The following SLC37A2 variants were observed in gnomAD, a reference collection of about 807,000 sequenced individuals.
SLC37A2 encodes solute carrier family 37 member 2.
SLC37A2 carries 59 observed loss-of-function variants against 70.7 expected under a neutral mutation model. That is an observed-to-expected ratio of 0.83 (90% CI 0.68 to 1.04). The LOEUF (loss-of-function observed/expected upper bound fraction) is 1.04. SLC37A2 is among the 50% of genes least tolerant of loss of function. The pLI is 0.00. For missense variants in SLC37A2, 580 were observed against 658.1 expected, an observed-to-expected ratio of 0.88 and a Z score of 1.30; for synonymous variants, 257 against 262.1, an observed-to-expected ratio of 0.98 and a Z score of 0.19.
intron 7 of SLC37A2, 101 bp from the exon 8 acceptor site, chr11:125,081,320 G>C (rs111438604): frequency 3.3e-6 from 4 of 1,226,848 alleles, no homozygotes; most frequent in African/African-American, 1.5e-5. Context: ...GCTGGTTCCC[G>C]GGATGGCTTA....
At chr11:125,084,409 A>C (rs1223874072) in intron 12 of SLC37A2, 90 bp downstream of exon 12, 2 of 1,304,106 alleles carry the variant, frequency 1.5e-6, no homozygotes, top group Admixed American at 3.5e-5. Context: ...CGCGTTACAC[A>C]CATTGATGTC....
At chr11:125,070,950 G>A (rs1219264183) in intron 1 of SLC37A2, among the ~76,000 whole-genome samples, 1 of 152,224 alleles carries the variant, frequency 6.6e-6, no homozygotes, top group Non-Finnish European at 1.5e-5. Context: ...GCAAGGTTTC[G>A]AAATAGTCTG....
intron 17 of SLC37A2, chr11:125,086,718 G>A (rs1264221787): frequency 8.2e-6 from 2 of 242,534 alleles, no homozygotes; most frequent in Non-Finnish European, 1.6e-5. Context: ...GGTGGTGGAT[G>A]TGGTGGTGGC....
rs368572395 is a variant in SLC37A2 at position 125,080,826 on chromosome 11, G to C, written c.694+46G>C. The C allele has an allele frequency of 1.0e-4, 139 of 1,342,464 alleles. No individual in the cohort carries two copies. The highest frequency in any genetic ancestry group is 1.3e-4 in the Non-Finnish European group (134 of 1,036,976). The allele number at this position is 1,342,464 out of a possible 1,614,324, so 83.2% of individuals were successfully genotyped here. ...CCACAAGTGAGCCTAGAAGTTCTCG[G>C]TTTCTGGGAGAAGGCAGCTGGATCT... On this transcript the variant is annotated intron_variant, in intron 7 of 17. Coordinates refer to ENST00000403796, the MANE Select transcript of SLC37A2 (RefSeq NM_001145290.2). The surrounding 1 kb of genome is among the most constrained non-coding windows in gnomAD (Gnocchi z 4.3).
At chr11:125,085,177 T>A (rs1378650705) in intron 14 of SLC37A2, 38 bp downstream of exon 14, 2 of 1,593,694 alleles carry the variant, frequency 1.3e-6, no homozygotes, top group Middle Eastern at 1.7e-4. Context: ...GGGACCGTTC[T>A]GGGGGCTTGG....
At chr11:125,070,103 G>A (rs1429203223) in intron 1 of SLC37A2, among the ~76,000 whole-genome samples, 1 of 152,234 alleles carries the variant, frequency 6.6e-6, no homozygotes, top group Non-Finnish European at 1.5e-5. Flanking sequence ...AAATACCAGG[G>A]TGACCACAGC....
Position 125,082,247 on chromosome 11 carries a change from G to A in SLC37A2, c.889G>A (p.Val297Met), listed in dbSNP as rs767152737. The A allele has an allele frequency of 1.9e-6, 3 of 1,613,942 alleles. No individual in the cohort carries two copies. The highest frequency in any genetic ancestry group is 2.2e-5 in the South Asian group (2 of 91,084). ...TGCCCCCTGTTGCACTCCCCAGGGC[G>A]TGGTCGAGTTCTCTCTGTGTCTGCT... ...SFFGALRIPG[V>M]VEFSLCLLFA... Residue 297 changes from valine (V) to methionine (M), a missense_variant, in exon 10 of 18, where the codon GTG (valine) becomes ATG (methionine). Coordinates refer to ENST00000403796, the MANE Select transcript of SLC37A2 (RefSeq NM_001145290.2).
chr11:125,079,273 G>A (rs1314329532), intron 5 of SLC37A2, 26 bp downstream of exon 5: 2 of 1,613,602 alleles, frequency 1.2e-6, no homozygotes, highest in Non-Finnish European at 1.7e-6. Context: ...TTGCACTTGG[G>A]CCTGTGTTGC....
intron 17 of SLC37A2, chr11:125,086,461 T>G: frequency 1.7e-6 from 1 of 585,676 alleles, no homozygotes; most frequent in Non-Finnish European, 3.1e-6. Flanking sequence ...TGGTGGCCTC[T>G]TCCCTGAGGG....
intron 1 of SLC37A2, among the ~76,000 whole-genome samples, chr11:125,065,683 G>A (rs987906786): frequency 3.9e-5 from 6 of 152,036 alleles, no homozygotes; most frequent in Admixed American, 3.3e-4. Context: ...GATTAAATAG[G>A]CATCCTGATC....
chr11:125,071,908 C>T (rs1314845138), intron 1 of SLC37A2, among the ~76,000 whole-genome samples: 2 of 152,258 alleles, frequency 1.3e-5, no homozygotes, highest in East Asian at 3.9e-4. Flanking sequence ...TGTGCCCAGC[C>T]CTCTATCCTT....
intron 1 of SLC37A2, among the ~76,000 whole-genome samples, chr11:125,067,979 A>C (rs1246298934): frequency 6.6e-6 from 1 of 152,152 alleles, no homozygotes; most frequent in Non-Finnish European, 1.5e-5. Flanking sequence ...ATATCTTTTA[A>C]CCAAAGTAAC....
At chr11:125,072,863 C>A (rs761761268) in intron 1 of SLC37A2, among the ~76,000 whole-genome samples, 8 of 152,178 alleles carry the variant, frequency 5.3e-5, no homozygotes, top group Non-Finnish European at 8.8e-5. Context: ...CTGACTATGC[C>A]ATGCCCAGCG....
chr11:125,087,316 C>G (rs1949229762), intron 17 of SLC37A2: 2 of 152,460 alleles, frequency 1.3e-5, no homozygotes, highest in African/African-American at 4.8e-5. Context: ...ACTGCCACCG[C>G]TGTCCCAGGC....
chr11:125,086,566 TC>T, intron 17 of SLC37A2: 1 of 388,406 alleles, frequency 2.6e-6, no homozygotes, highest in Middle Eastern at 8.1e-4. Context: ...TGCAAGTGCC[TC>T]CTGAAGTTCA....
rs1324503896 is a variant in SLC37A2 at position 125,085,055 on chromosome 11, T to C, written c.1175-11T>C. 1 of 1,613,842 alleles carries C rather than the reference T, an allele frequency of 6.2e-7. No individual in the cohort carries two copies. Among genetic ancestry groups the C allele is most frequent in the East Asian group, 2.2e-5 (1 of 44,882 alleles). The stretch of plus-strand genomic sequence containing the variant: ...CTGCTTCTCTGACTGGCTGTCTCTA[T>C]GCTGTCCCAGTGATGCTGATCATCT... On this transcript the variant is annotated splice_polypyrimidine_tract_variant and intron_variant, in intron 13 of 17. Coordinates refer to ENST00000403796, the MANE Select transcript of SLC37A2 (RefSeq NM_001145290.2).
chr11:125,075,487 T>C (rs1949074481), intron 1 of SLC37A2, among the ~76,000 whole-genome samples: 1 of 151,824 alleles, frequency 6.6e-6, no homozygotes, highest in Non-Finnish European at 1.5e-5. Flanking sequence ...GGCCGGGGCG[T>C]GGAGCTGCCT....
rs377078801 is a variant in SLC37A2 at position 125,086,099 on chromosome 11, G to A, written c.1490+81G>A. 106 of 1,549,960 alleles carry A rather than the reference G, an allele frequency of 6.8e-5. 1 individual carries two copies. The East Asian group carries it at 1.2e-3, about 18-fold the overall frequency. ...AGCCCAGCGCTCAGTTTCTCCAAAC[G>A]CAGGCTGAGGCTCGACCAGCCCAGA... On this transcript the variant is annotated intron_variant, in intron 17 of 17. Transcript: ENST00000403796.
At chr11:125,067,839 A>G (rs557222700) in intron 1 of SLC37A2, among the ~76,000 whole-genome samples, 2 of 152,196 alleles carry the variant, frequency 1.3e-5, no homozygotes, top group Non-Finnish European at 2.9e-5. Flanking sequence ...TTCTGGAACA[A>G]CCAGTCATTT....
Sources: gnomAD v4.1 joint callset for allele counts (sites outside exome capture counted in the v4.1 genomes callset) on GRCh38, gnomAD v4.1.1 for gene constraint, Gnocchi (gnomAD v3.1) non-coding constraint, MANE v1.5 for transcripts, NCBI Gene and HGNC (gene_info 2026-07-23, HGNC 2026-07-21) for gene names.